The following ERI1 variants were observed in gnomAD, a reference collection of about 807,000 sequenced individuals.
ERI1 encodes exoribonuclease 1, also known as 3'-5' exoribonuclease 1.
ERI1 carries 39 observed loss-of-function variants against 39.7 expected under a neutral mutation model. The ratio of observed to expected loss-of-function variants is 0.98; its 90% CI spans 0.76 to 1.28. ERI1 has a LOEUF of 1.28. Ranked by LOEUF, ERI1 falls within the 50% of genes most tolerant of loss-of-function variation. The probability of loss-of-function intolerance (pLI) is 0.00; values close to 1 mark genes in which losing one functional copy is unlikely to be tolerated. For synonymous variants in ERI1, 204 were observed against 149.6 expected (o/e 1.36, Z -2.65); for missense variants, 581 against 416.9 (o/e 1.39, Z -3.43).
At chr8:9,097,401 G>C (rs113077833) in intron 3 of ERI1, among the ~76,000 whole-genome samples, 3 of 152,100 alleles carry the variant, frequency 2.0e-5, no homozygotes, top group Admixed American at 6.5e-5. Flanking sequence ...GGTGGCTCAC[G>C]CCTGTAATCC....
chr8:9,068,904 C>G (rs888385618), intron 3 of ERI1, among the ~76,000 whole-genome samples: 5 of 152,100 alleles, frequency 3.3e-5, no homozygotes, highest in African/African-American at 9.7e-5. Flanking sequence ...GCAGCGTTGA[C>G]TCCCTAGGCT....
chr8:9,063,595 G>T (rs1045736629), intron 3 of ERI1, among the ~76,000 whole-genome samples: 16 of 150,410 alleles, frequency 1.1e-4, no homozygotes, highest in African/African-American at 3.6e-4. Context: ...GGTTGGGACT[G>T]AGGGGACAGG....
At chr8:9,040,945 C>T (rs943555020) in intron 3 of ERI1, among the ~76,000 whole-genome samples, 2 of 152,178 alleles carry the variant, frequency 1.3e-5, no homozygotes, top group Non-Finnish European at 2.9e-5. Context: ...ATTCCCACCT[C>T]GGTCTAGTGC....
intron 3 of ERI1, among the ~76,000 whole-genome samples, chr8:9,047,352 T>G (rs12114954): frequency 0.47 from 71,227 of 151,780 alleles, 18,517 homozygotes; most frequent in African/African-American, 0.67. Flanking sequence ...AAGGAGCCCT[T>G]CTCTGCTCAC....
intron 3 of ERI1, among the ~76,000 whole-genome samples, chr8:9,045,641 A>G (rs1179239465): frequency 6.6e-6 from 1 of 151,906 alleles, no homozygotes; most frequent in Non-Finnish European, 1.5e-5. Flanking sequence ...GTATTAAAAT[A>G]TAAATAAATC....
intron 3 of ERI1, among the ~76,000 whole-genome samples, chr8:9,086,058 G>T (rs191966301): frequency 6.6e-6 from 1 of 152,056 alleles, no homozygotes; most frequent in Non-Finnish European, 1.5e-5. Flanking sequence ...AATAACTCCC[G>T]TCCTCTTTCA....
intron 3 of ERI1, chr8:9,062,861 C>A (rs947676358): frequency 1.3e-5 from 2 of 152,014 alleles, no homozygotes; most frequent in African/African-American, 2.4e-5. Context: ...GGGCTGTGGG[C>A]ATTCCTTGGC....
intron 3 of ERI1, among the ~76,000 whole-genome samples, chr8:9,042,413 T>A (rs1798054184): frequency 1.3e-5 from 2 of 152,186 alleles, no homozygotes; most frequent in South Asian, 4.2e-4. Context: ...TTTTATACAT[T>A]AAGAAACAAA....
At chr8:9,071,553 C>G (rs1467402131) in intron 3 of ERI1, among the ~76,000 whole-genome samples, 2 of 152,204 alleles carry the variant, frequency 1.3e-5, no homozygotes, top group Non-Finnish European at 2.9e-5. Flanking sequence ...TTTTCCGTTT[C>G]CAGTTTATTC....
At chr8:9,080,683 C>A (rs1371930040) in intron 3 of ERI1, among the ~76,000 whole-genome samples, 1 of 152,156 alleles carries the variant, frequency 6.6e-6, no homozygotes, top group Non-Finnish European at 1.5e-5. Flanking sequence ...TCTAGCAGCA[C>A]AGAGCTCTGA....
chr8:9,064,981 G>A (rs1349126909), intron 3 of ERI1, among the ~76,000 whole-genome samples: 1 of 152,182 alleles, frequency 6.6e-6, no homozygotes, highest in African/African-American at 2.4e-5. Context: ...AGGAAGGAGT[G>A]GGGGTCACAA....
At position 9,015,722 on chromosome 8, in the gene ERI1, C is replaced by CAAAAAAAAAAAAA. The variant is rs758835506; in HGVS notation, c.499-593_499-581dup. ...GGGAGACAGAGCGAGACTCTGTCTC[C>CAAAAAAAAAAAAA]AAAAAAAAAAAAAAAAAAAGAGACC... On this transcript the variant is annotated intron_variant, in intron 3 of 6. Transcript: ENST00000250263. 2.6e-3 allele frequency among the ~76,000 whole-genome samples: 149 copies of CAAAAAAAAAAAAA among 56,580 alleles called. 17 individuals carry two copies. Among genetic ancestry groups the CAAAAAAAAAAAAA allele is most frequent in the African/African-American group, 0.012 (142 of 12,270 alleles). 37.1% of individuals were successfully genotyped at this position (56,580 alleles called of 152,430 possible).
Position 9,016,363 on chromosome 8 carries a change from A to G in ERI1, c.540A>G (p.Thr180=). 6.2e-7 allele frequency: 1 copy of G among 1,608,258 alleles called. No individual in the cohort carries two copies. The highest frequency in any genetic ancestry group is 1.1e-5 in the South Asian group (1 of 90,210). ...AGTATGTAAGACCAGAGATTAACAC[A>G]CAGCTGTCTGATTTCTGCATCAGTC... ...FQQYVRPEIN[T]QLSDFCISLT... is the part of the protein sequence containing the mutation. The change falls in exon 4 of 7, where the codon ACA becomes ACG. Residue 180 remains threonine (T), a synonymous_variant. Coordinates refer to ENST00000250263, the MANE Select transcript of ERI1 (RefSeq NM_153332.4).
At chr8:9,059,773 G>T (rs1798631647) in intron 3 of ERI1, among the ~76,000 whole-genome samples, 2 of 152,182 alleles carry the variant, frequency 1.3e-5, no homozygotes, top group Non-Finnish European at 2.9e-5. Context: ...AGCTGCGATG[G>T]CTTGGAGAAA....
chr8:9,092,794 C>G (rs1489258447), intron 3 of ERI1, among the ~76,000 whole-genome samples: 1 of 152,198 alleles, frequency 6.6e-6, no homozygotes, highest in Non-Finnish European at 1.5e-5. Context: ...AACAAAGTAA[C>G]AGACCGGGTG....
chr8:9,070,697 C>A (rs1221089288), intron 3 of ERI1, among the ~76,000 whole-genome samples: 1 of 152,200 alleles, frequency 6.6e-6, no homozygotes, highest in Non-Finnish European at 1.5e-5. Context: ...TCCATCCTTG[C>A]AAATGCACAC....
At chr8:9,060,690 G>A (rs931115459) in intron 3 of ERI1, among the ~76,000 whole-genome samples, 1 of 152,198 alleles carries the variant, frequency 6.6e-6, no homozygotes, top group East Asian at 1.9e-4. Flanking sequence ...AGATTGATAG[G>A]TGGAAGTTTC....
chr8:9,004,020 G>A, intron 1 of ERI1: 2 of 1,215,030 alleles, frequency 1.6e-6, no homozygotes, highest in Non-Finnish European at 2.2e-6. Context: ...GGGGTCGGGT[G>A]CCTGCCTCCC....
intron 3 of ERI1, among the ~76,000 whole-genome samples, chr8:9,093,638 G>A (rs1011217401): frequency 6.6e-6 from 1 of 152,094 alleles, no homozygotes; most frequent in East Asian, 1.9e-4. Flanking sequence ...TGCAATCTCC[G>A]CTCACTGCAA....
Sources: allele counts gnomAD v4.1 joint callset (sites outside exome capture counted in the v4.1 genomes callset), GRCh38; gene constraint gnomAD v4.1.1; transcripts MANE v1.5; gene names NCBI Gene and HGNC (gene_info 2026-07-23, HGNC 2026-07-21).